NRXN1: variants seen among roughly 807,000 people sequenced by gnomAD.
NRXN1 encodes neurexin-1.
NRXN1 carries 39 observed loss-of-function variants against 150.9 expected under a neutral mutation model. The observed-to-expected ratio is 0.26, with a 90% confidence interval of 0.20 to 0.34. The LOEUF is 0.34. Ranked by LOEUF, NRXN1 falls within the 10% of genes least tolerant of loss-of-function variation. The pLI, the probability that NRXN1 is intolerant of heterozygous loss-of-function variation, is 1.00. For synonymous variants in NRXN1, 924 were observed against 757.0 expected, an observed-to-expected ratio of 1.22 and a Z score of -3.62; for missense variants, 1,815 against 1,949.9, an observed-to-expected ratio of 0.93 and a Z score of 1.30.
chr2:50,156,139 T>G (rs2059006526), intron 18 of NRXN1, among the ~76,000 whole-genome samples: 1 of 151,872 alleles, frequency 6.6e-6, no homozygotes, highest in Admixed American at 6.6e-5. Flanking sequence ...TACATATTAC[T>G]TTTGGAATAA....
chr2:50,327,395 C>G (rs1041514948), intron 17 of NRXN1, among the ~76,000 whole-genome samples: 1 of 152,092 alleles, frequency 6.6e-6, no homozygotes, highest in African/African-American at 2.4e-5. Flanking sequence ...GTGACTAAGA[C>G]GTAGCTTGAG....
intron 2 of NRXN1, among the ~76,000 whole-genome samples, chr2:50,949,671 G>A (rs189889637): frequency 8.5e-5 from 13 of 152,108 alleles, no homozygotes; most frequent in African/African-American, 2.6e-4. Flanking sequence ...ATTCTCCCAG[G>A]AGCTTCTTAT....
At chr2:49,994,964 T>C (rs1041110733) in intron 21 of NRXN1, among the ~76,000 whole-genome samples, 3 of 152,186 alleles carry the variant, frequency 2.0e-5, no homozygotes, top group African/African-American at 4.8e-5. Flanking sequence ...ATATTGACAA[T>C]TTAGGTGTAG....
At chr2:50,287,067 G>A (rs1162733973) in intron 17 of NRXN1, among the ~76,000 whole-genome samples, 1 of 151,924 alleles carries the variant, frequency 6.6e-6, no homozygotes, top group African/African-American at 2.4e-5. Flanking sequence ...AATAAGTACA[G>A]GCTTGCAAAT....
chr2:49,983,281 G>A (rs1680290989), intron 21 of NRXN1, among the ~76,000 whole-genome samples: 1 of 152,166 alleles, frequency 6.6e-6, no homozygotes. Context: ...TCAGCTTCTA[G>A]CACAGGGGCT....
chr2:50,492,819 A>G (rs546506254), intron 15 of NRXN1, among the ~76,000 whole-genome samples: 1 of 152,386 alleles, frequency 6.6e-6, no homozygotes, highest in Non-Finnish European at 1.5e-5. Flanking sequence ...CAGGATTTAT[A>G]CAAAAATTTA....
intron 17 of NRXN1, among the ~76,000 whole-genome samples, chr2:50,298,576 G>A (rs1366391791): frequency 6.6e-6 from 1 of 151,570 alleles, no homozygotes; most frequent in East Asian, 1.9e-4. Flanking sequence ...AAACATCCAT[G>A]AACCTGAACA....
intron 18 of NRXN1, among the ~76,000 whole-genome samples, chr2:50,200,725 T>C (rs2062098494): frequency 6.6e-6 from 1 of 152,118 alleles, no homozygotes; most frequent in Non-Finnish European, 1.5e-5. Context: ...CCAGATACAA[T>C]GAATGAAATG....
rs577948677 is a variant in NRXN1 at position 49,999,428 on chromosome 2, T to G, written c.4128+53843A>C. On this transcript the variant is annotated intron_variant, in intron 21 of 22. Transcript: ENST00000401669. ...TTATAACTTATTATTTAGATATAAGTCAAGTACTGAACATGAAGAGGAACC... is the reference window on the plus strand; with the variant it reads ...TTATAACTTATTATTTAGATATAAGGCAAGTACTGAACATGAAGAGGAACC... 1.6e-4 allele frequency among the ~76,000 whole-genome samples: 24 copies of G among 152,262 alleles called. No individual in the cohort carries two copies. In the South Asian group the frequency reaches 3.9e-3, roughly 25 times the overall value.
At chr2:50,617,443 A>C (rs887036295) in intron 8 of NRXN1, among the ~76,000 whole-genome samples, 2 of 151,962 alleles carry the variant, frequency 1.3e-5, no homozygotes, top group Non-Finnish European at 2.9e-5. Flanking sequence ...CTTAAAAAAA[A>C]AAAAAGCCCT....
chr2:50,293,261 T>C (rs1240235747), intron 17 of NRXN1, among the ~76,000 whole-genome samples: 2 of 152,042 alleles, frequency 1.3e-5, no homozygotes, highest in African/African-American at 4.8e-5. Flanking sequence ...CTCTTTTCCA[T>C]CTCTCAGACC....
At position 50,053,404 on chromosome 2, in the gene NRXN1, G is replaced by A. The variant is rs767931911; in HGVS notation, c.3995C>T (p.Ser1332Phe). 6.2e-7 allele frequency: 1 copy of A among 1,613,964 alleles called. No individual in the cohort carries two copies. Among genetic ancestry groups the A allele is most frequent in the South Asian group, 1.1e-5 (1 of 91,080 alleles). ...GGCTGTTGACTCAGTTGTCATAGAG[G>A]AAGGCACTTCACCAACCAGTCTCAC... The part of the protein sequence containing the change: ...GNVRLVGEVP[S>F]SMTTESTATA... The change falls in exon 21 of 23, where the codon TCC becomes TTC. Residue 1332 changes from serine to phenylalanine, a missense_variant. Physicochemically the swap from Ser to Phe is radical, Grantham distance 155. Coordinates refer to ENST00000401669, the MANE Select transcript of NRXN1 (RefSeq NM_001330078.2).
chr2:50,214,676 T>A (rs900065577), intron 18 of NRXN1, among the ~76,000 whole-genome samples: 1 of 152,040 alleles, frequency 6.6e-6, no homozygotes, highest in Non-Finnish European at 1.5e-5. Context: ...AGGAGTTTAC[T>A]GATAATTTCT....
chr2:50,052,823 C>G (rs1356564741), intron 21 of NRXN1, among the ~76,000 whole-genome samples: 1 of 152,004 alleles, frequency 6.6e-6, no homozygotes, highest in African/African-American at 2.4e-5. Context: ...AAACTTTAAA[C>G]TTCAAAATAC....
At chr2:50,145,703 C>A (rs934250281) in intron 18 of NRXN1, among the ~76,000 whole-genome samples, 1 of 151,578 alleles carries the variant, frequency 6.6e-6, no homozygotes, top group Non-Finnish European at 1.5e-5. Context: ...TTTGGTCTAC[C>A]TTTTCCTTTA....
chr2:50,859,837 T>TG (rs1491178398), intron 5 of NRXN1, among the ~76,000 whole-genome samples: 7 of 85,418 alleles, frequency 8.2e-5, no homozygotes, highest in African/African-American at 2.4e-4. Flanking sequence ...CACAATTATG[T>TG]TTGTGTGTGT....
chr2:50,946,043 T>G (rs1690329462), intron 2 of NRXN1, among the ~76,000 whole-genome samples: 1 of 151,712 alleles, frequency 6.6e-6, no homozygotes, highest in African/African-American at 2.4e-5. Context: ...GGATACAAAC[T>G]ACACAAAACA....
intron 17 of NRXN1, among the ~76,000 whole-genome samples, chr2:50,431,243 C>G (rs1336720297): frequency 6.6e-6 from 1 of 152,212 alleles, no homozygotes; most frequent in African/African-American, 2.4e-5. Context: ...ACTAATCACA[C>G]TTAACACTAT....
intron 8 of NRXN1, among the ~76,000 whole-genome samples, chr2:50,592,540 A>C (rs1039794608): frequency 6.6e-6 from 1 of 152,246 alleles, no homozygotes; most frequent in Admixed American, 6.5e-5. Flanking sequence ...GCAGGCAATG[A>C]GTCAGGAGAG....
Sources: allele counts gnomAD v4.1 joint callset (sites outside exome capture counted in the v4.1 genomes callset), GRCh38; gene constraint gnomAD v4.1.1; transcripts MANE v1.5; gene names NCBI Gene and HGNC (gene_info 2026-07-23, HGNC 2026-07-21).